EPHA6: variants seen among roughly 807,000 people sequenced by gnomAD.
EPHA6 encodes the protein ephrin type-A receptor 6.
In EPHA6, 50 loss-of-function variants were observed where a neutral mutation model predicts 112.0. The observed-to-expected ratio is 0.45, with a 90% CI of 0.36 to 0.56. The LOEUF is 0.56. Ranked by LOEUF, EPHA6 falls within the 20% of genes least tolerant of loss-of-function variation. EPHA6 has a pLI of 0.00. For missense variants in EPHA6, 1,280 were observed against 1,417.4 expected (o/e 0.90, Z 1.56); for synonymous variants, 529 against 490.7 (o/e 1.08, Z -1.03).
intron 5 of EPHA6, among the ~76,000 whole-genome samples, chr3:97,401,879 C>T (rs2087013408): frequency 6.6e-6 from 1 of 151,734 alleles, no homozygotes; most frequent in Non-Finnish European, 1.5e-5. Context: ...TTTTCATTTG[C>T]TTCAAGAAAA....
rs6764231 is a variant in EPHA6, at chr3:97,400,906, T to C, written c.1607-4244T>C. Among the ~76,000 whole-genome samples the C allele has an allele frequency of 4.5e-3, 688 of 151,884 alleles. 4 individuals carry two copies. Among genetic ancestry groups the C allele is most frequent in the Non-Finnish European group, 6.1e-3 (413 of 67,720 alleles). On this transcript the variant is annotated intron_variant, in intron 5 of 17. Coordinates refer to ENST00000389672, the MANE Select transcript of EPHA6 (RefSeq NM_001080448.3). ...TCCTTTCCAATTTGGATACCTTCTC[T>C]TTCTTTCTCTTGCTTAATTGTTCTG...
At chr3:96,846,567 A>C in intron 1 of EPHA6, among the ~76,000 whole-genome samples, 1 of 152,184 alleles carries the variant, frequency 6.6e-6, no homozygotes, top group Middle Eastern at 3.4e-3. Flanking sequence ...AGATAGAATT[A>C]AATCATTAAG....
chr3:96,892,952 ATATG>A (rs762622494), intron 2 of EPHA6, among the ~76,000 whole-genome samples: 13 of 140,874 alleles, frequency 9.2e-5, no homozygotes, highest in Non-Finnish European at 1.5e-4. Flanking sequence ...ATATATATAT[ATATG>A]TGTGTGTGTG....
intron 14 of EPHA6, among the ~76,000 whole-genome samples, chr3:97,695,669 T>C (rs2107720378): frequency 6.6e-6 from 1 of 152,298 alleles, no homozygotes; most frequent in African/African-American, 2.4e-5. Flanking sequence ...GCTTCCCGAG[T>C]GTCTGGGACT....
At chr3:97,129,330 T>A (rs1343306733) in intron 3 of EPHA6, among the ~76,000 whole-genome samples, 1 of 151,906 alleles carries the variant, frequency 6.6e-6, no homozygotes, top group Non-Finnish European at 1.5e-5. Flanking sequence ...AAACCCTGTC[T>A]CTACCAAGAA....
In EPHA6 at chr3:97,466,901, T is replaced by C. The variant is rs190570740; in HGVS notation, c.1895-8451T>C. Among the ~76,000 whole-genome samples the C allele has an allele frequency of 3.1e-4, 47 of 152,084 alleles. 1 individual carries two copies. The highest frequency in any genetic ancestry group is 2.2e-3 in the Admixed American group (34 of 15,254). On this transcript the variant is annotated intron_variant, in intron 7 of 17. Transcript: ENST00000389672. The stretch of plus-strand genomic sequence containing the variant: ...TTTGTGATGTTTCCTCAAGCCACAG[T>C]GTCCAATATCTACTTACCATGTTGG...
chr3:97,089,327 T>C (rs1245591181), intron 3 of EPHA6, among the ~76,000 whole-genome samples: 1 of 152,130 alleles, frequency 6.6e-6, no homozygotes, highest in Non-Finnish European at 1.5e-5. Context: ...CATGACCTTT[T>C]CACAGTTTGC....
intron 7 of EPHA6, among the ~76,000 whole-genome samples, chr3:97,454,863 C>A (rs2090633419): frequency 6.6e-6 from 1 of 151,790 alleles, no homozygotes; most frequent in Non-Finnish European, 1.5e-5. Flanking sequence ...GAAAGAGGAC[C>A]AGCTGACCCT....
At chr3:97,641,284 G>C (rs1026985983) in intron 14 of EPHA6, among the ~76,000 whole-genome samples, 2 of 152,184 alleles carry the variant, frequency 1.3e-5, no homozygotes, top group African/African-American at 2.4e-5. Context: ...TTCTATGAAT[G>C]TACTTAGCCC....
chr3:97,603,675 T>C (rs1203117301), intron 12 of EPHA6, among the ~76,000 whole-genome samples: 1 of 151,964 alleles, frequency 6.6e-6, no homozygotes, highest in Admixed American at 6.6e-5. Context: ...ACATAGATTG[T>C]TAATGGGAAT....
intron 13 of EPHA6, among the ~76,000 whole-genome samples, chr3:97,611,253 T>A (rs1286742924): frequency 6.6e-6 from 1 of 151,888 alleles, no homozygotes; most frequent in African/African-American, 2.4e-5. Flanking sequence ...TTAACTGATC[T>A]GTATTTACCA....
intron 3 of EPHA6, among the ~76,000 whole-genome samples, chr3:97,114,875 C>T (rs577291496): frequency 3.3e-5 from 5 of 151,878 alleles, no homozygotes; most frequent in African/African-American, 9.7e-5. Context: ...TACAAATGTT[C>T]TCTAGTACTG....
chr3:97,360,995 T>C (rs1298933821), intron 5 of EPHA6, among the ~76,000 whole-genome samples: 4 of 152,190 alleles, frequency 2.6e-5, no homozygotes, highest in African/African-American at 7.2e-5. Context: ...ATTCCATCAA[T>C]TGGATGTGCC....
intron 5 of EPHA6, among the ~76,000 whole-genome samples, chr3:97,397,829 A>T (rs1399949318): frequency 6.6e-6 from 1 of 151,614 alleles, no homozygotes; most frequent in African/African-American, 2.4e-5. Flanking sequence ...AAAATATGGA[A>T]TTGGATTTAG....
intron 5 of EPHA6, among the ~76,000 whole-genome samples, chr3:97,256,096 G>T (rs181599141): frequency 1.8e-4 from 28 of 152,142 alleles, no homozygotes; most frequent in Non-Finnish European, 3.2e-4. Flanking sequence ...TTAATGACCC[G>T]TCAAAGCAGA....
chr3:97,170,968 T>C (rs2076683881), intron 3 of EPHA6, among the ~76,000 whole-genome samples: 1 of 152,148 alleles, frequency 6.6e-6, no homozygotes, highest in South Asian at 2.1e-4. Flanking sequence ...TGTGTATCAC[T>C]ATGAAGTCAA....
intron 2 of EPHA6, among the ~76,000 whole-genome samples, chr3:96,916,252 A>G (rs1363969875): frequency 1.3e-5 from 2 of 152,142 alleles, no homozygotes; most frequent in African/African-American, 4.8e-5. Flanking sequence ...GCCTTTGGAA[A>G]GTGATCAACG....
intron 2 of EPHA6, among the ~76,000 whole-genome samples, chr3:96,952,456 T>G (rs910070971): frequency 1.1e-4 from 16 of 152,148 alleles, no homozygotes; most frequent in African/African-American, 3.4e-4. Flanking sequence ...CTTGTGAGAG[T>G]AGGTTATTAT....
chr3:97,453,224 C>A (rs182921182), intron 7 of EPHA6, among the ~76,000 whole-genome samples: 1 of 151,466 alleles, frequency 6.6e-6, no homozygotes, highest in Non-Finnish European at 1.5e-5. Context: ...AGCTTGTGAG[C>A]TATCAAAAGG....
Sources: gnomAD v4.1 joint callset for allele counts (sites outside exome capture counted in the v4.1 genomes callset) on GRCh38, gnomAD v4.1.1 for gene constraint, MANE v1.5 for transcripts, NCBI Gene and HGNC (gene_info 2026-07-23, HGNC 2026-07-21) for gene names.